NTRK3: variants seen among roughly 807,000 people sequenced by gnomAD.
NTRK3 encodes neurotrophic receptor tyrosine kinase 3, also known as NT-3 growth factor receptor.
NTRK3 carries 24 observed loss-of-function variants against 91.7 expected under a neutral mutation model. The ratio of observed to expected loss-of-function variants is 0.26; its 90% CI spans 0.19 to 0.37. The LOEUF (loss-of-function observed/expected upper bound fraction) is 0.37. Among genes scored for constraint, NTRK3 ranks in the 10% least tolerant of loss-of-function variants. NTRK3 has a pLI of 1.00. For synonymous variants in NTRK3, 483 were observed against 404.0 expected, an observed-to-expected ratio of 1.20 and a Z score of -2.34; for missense variants, 880 against 1,068.9, an observed-to-expected ratio of 0.82 and a Z score of 2.46.
In NTRK3 at chr15:88,237,819, G is replaced by C. The variant is rs909774191; in HGVS notation, c.248+18087C>G. 6.6e-5 allele frequency among the ~76,000 whole-genome samples: 10 copies of C among 152,134 alleles called. No individual in the cohort carries two copies. Among genetic ancestry groups the C allele is most frequent in the Non-Finnish European group, 1.2e-4 (8 of 68,024 alleles). On this transcript the variant is annotated intron_variant, in intron 3 of 18. Transcript: ENST00000394480. This position sits in a 1 kb window ranked among gnomAD's most constrained non-coding sequence, Gnocchi z 4.0. ...GAACTTCCACAGAATTCTGCACTCAGAAAATCTAAAAATGGTGCTTTAAAT... is the reference window on the plus strand; with the variant it reads ...GAACTTCCACAGAATTCTGCACTCACAAAATCTAAAAATGGTGCTTTAAAT...
intron 3 of NTRK3, among the ~76,000 whole-genome samples, chr15:88,205,067 A>G (rs746548003): frequency 2.0e-5 from 3 of 152,162 alleles, no homozygotes; most frequent in Non-Finnish European, 4.4e-5. Flanking sequence ...AGGAGTGCTG[A>G]GAAATTGGAG....
intron 14 of NTRK3, among the ~76,000 whole-genome samples, chr15:87,985,838 C>T (rs780865152): frequency 9.9e-5 from 15 of 152,166 alleles, no homozygotes; most frequent in Admixed American, 9.8e-4. Context: ...CAGCTTGTCC[C>T]TGATGAGTAT....
intron 17 of NTRK3, among the ~76,000 whole-genome samples, chr15:87,920,152 T>A (rs1042426748): frequency 1.3e-5 from 2 of 152,224 alleles, no homozygotes; most frequent in African/African-American, 4.8e-5. Flanking sequence ...CTCAACAGAC[T>A]TTTGTATTCC....
At chr15:88,028,100 T>A (rs377518566) in intron 14 of NTRK3, among the ~76,000 whole-genome samples, 70 of 150,762 alleles carry the variant, frequency 4.6e-4, no homozygotes, top group African/African-American at 1.7e-3. Flanking sequence ...GGAATGATGA[T>A]CTGGAAAGAA....
Position 88,001,669 on chromosome 15 carries a change from G to A in NTRK3, c.1585+31188C>T, listed in dbSNP as rs572907557. Among the ~76,000 whole-genome samples, 9 of 152,198 alleles carry A rather than the reference G, an allele frequency of 5.9e-5. No individual in the cohort carries two copies. The Middle Eastern group carries it at 0.01, about 173-fold the overall frequency. On this transcript the variant is annotated intron_variant, in intron 14 of 18. Transcript: ENST00000394480. ...ACCGCAAAAGTACAAGTCTATTTCT[G>A]GACTCTCAATTCTACTCCATTGATC...
rs115402025 is a variant in NTRK3, at chr15:88,167,719, A to C, written c.395+15699T>G. 9.1e-3 allele frequency among the ~76,000 whole-genome samples: 1,391 copies of C among 152,190 alleles called. 29 individuals carry two copies. Among genetic ancestry groups the C allele is most frequent in the African/African-American group, 0.031 (1,305 of 41,510 alleles). On this transcript the variant is annotated intron_variant, in intron 5 of 18. Coordinates refer to ENST00000394480, the Ensembl canonical transcript of NTRK3. ...TGGTATTACTGACCACCCCGACTCC[A>C]TGTCCTCCTGCCAGGCCCCAAGCAG...
chr15:88,168,366 T>C (rs2045188038), intron 5 of NTRK3, among the ~76,000 whole-genome samples: 1 of 150,782 alleles, frequency 6.6e-6, no homozygotes, highest in South Asian at 2.1e-4. Context: ...AGAGTGGAGA[T>C]GGGTGGGAAG....
Position 88,174,387 on chromosome 15 carries a change from G to A in NTRK3, c.395+9031C>T, listed in dbSNP as rs116748130. 6.6e-3 allele frequency among the ~76,000 whole-genome samples: 1,001 copies of A among 152,198 alleles called. 13 individuals are homozygous for A. The highest frequency in any genetic ancestry group is 0.023 in the African/African-American group (946 of 41,514). Reference sequence around the variant, plus strand: ...CAAAAAATACCTCTAATGATTGACAGCCATCCCCACCAGCCCCTCCCATAT... The same window carrying A: ...CAAAAAATACCTCTAATGATTGACAACCATCCCCACCAGCCCCTCCCATAT... On this transcript the variant is annotated intron_variant, in intron 5 of 18. Coordinates refer to ENST00000394480, the Ensembl canonical transcript of NTRK3.
intron 13 of NTRK3, among the ~76,000 whole-genome samples, chr15:88,115,937 A>T (rs2052015042): frequency 6.6e-6 from 1 of 152,064 alleles, no homozygotes; most frequent in Non-Finnish European, 1.5e-5. Flanking sequence ...TATAGCCCTC[A>T]ACATTTCATT....
intron 13 of NTRK3, among the ~76,000 whole-genome samples, chr15:88,080,779 G>A (rs2047972270): frequency 6.6e-6 from 1 of 152,264 alleles, no homozygotes; most frequent in Non-Finnish European, 1.5e-5. Context: ...TTCATCAGAG[G>A]TGGAGAGCAG....
chr15:88,171,690 A>T (rs1271179927), intron 5 of NTRK3, among the ~76,000 whole-genome samples: 1 of 152,220 alleles, frequency 6.6e-6, no homozygotes, highest in Non-Finnish European at 1.5e-5. Flanking sequence ...TAGGAAGGAC[A>T]CAGAAGCTCA....
intron 13 of NTRK3, among the ~76,000 whole-genome samples, chr15:88,063,070 G>A (rs1385569154): frequency 6.6e-6 from 1 of 152,188 alleles, no homozygotes; most frequent in Admixed American, 6.5e-5. Context: ...TTCAACACTG[G>A]GCTCCATCCC....
chr15:88,154,303 C>A (rs1181088777), intron 5 of NTRK3, among the ~76,000 whole-genome samples: 1 of 152,028 alleles, frequency 6.6e-6, no homozygotes, highest in Non-Finnish European at 1.5e-5. Flanking sequence ...CGCCAGCCTC[C>A]TTGGGTTGAA....
At chr15:87,880,066 A>G (rs548527472) in intron 18 of NTRK3, among the ~76,000 whole-genome samples, 4 of 152,094 alleles carry the variant, frequency 2.6e-5, no homozygotes, top group Non-Finnish European at 5.9e-5. Flanking sequence ...CTCTGATTTC[A>G]TGCTCTTTTG....
chr15:88,030,757 T>C (rs930876077), intron 14 of NTRK3, among the ~76,000 whole-genome samples: 5 of 149,730 alleles, frequency 3.3e-5, no homozygotes, highest in African/African-American at 1.2e-4. Context: ...GATATCTGCC[T>C]TCTTCCTTTT....
At position 88,144,275 on chromosome 15, in the gene NTRK3, T is replaced by C. The variant is rs563639536; in HGVS notation, c.464+3060A>G. 8.9e-4 allele frequency: 136 copies of C among 152,366 alleles called. 1 individual carries two copies. The highest frequency in any genetic ancestry group is 3.1e-3 in the African/African-American group (128 of 41,586). The allele number at this position is 152,366 out of a possible 1,614,324, so 9.4% of individuals were successfully genotyped here. On this transcript the variant is annotated intron_variant, in intron 6 of 18. Coordinates refer to ENST00000394480, the Ensembl canonical transcript of NTRK3. ...GTGCTGGTTACTCCAATGCAAGTCA[T>C]GGAAGATGCGAAGATGCTTCAAATT...
chr15:87,948,035 T>C (rs2070745362), intron 14 of NTRK3, among the ~76,000 whole-genome samples: 1 of 152,138 alleles, frequency 6.6e-6, no homozygotes. Flanking sequence ...CACTTTCTCC[T>C]GGCCTCCTGG....
At chr15:88,142,821 A>T (rs1035754866) in intron 6 of NTRK3, among the ~76,000 whole-genome samples, 1 of 152,170 alleles carries the variant, frequency 6.6e-6, no homozygotes, top group Non-Finnish European at 1.5e-5. Context: ...AATGTGACCT[A>T]ATTTGGAAAT....
chr15:87,951,388 T>C (rs1420879555), intron 14 of NTRK3, among the ~76,000 whole-genome samples: 1 of 152,084 alleles, frequency 6.6e-6, no homozygotes, highest in South Asian at 2.1e-4. Context: ...AGAGAGTAAG[T>C]GGTGTTGGCA....
Sources: gnomAD v4.1 joint callset for allele counts (sites outside exome capture counted in the v4.1 genomes callset) on GRCh38, gnomAD v4.1.1 for gene constraint, Gnocchi (gnomAD v3.1) non-coding constraint, MANE v1.5 for transcripts, NCBI Gene and HGNC (gene_info 2026-07-23, HGNC 2026-07-21) for gene names.